MESP1: variants seen among roughly 807,000 people sequenced by gnomAD.
MESP1 encodes mesoderm posterior bHLH transcription factor 1, also known as mesoderm posterior protein 1.
A neutral mutation model predicts 15.2 loss-of-function variants in MESP1; 22 were observed. The observed-to-expected ratio is 1.45, with a 90% CI of 1.04 to 2.07. The LOEUF is 2.07. MESP1 is among the 30% of genes most tolerant of loss of function. The probability of loss-of-function intolerance (pLI) is 0.00; values close to 1 mark genes in which losing one functional copy is unlikely to be tolerated. For synonymous variants in MESP1, 216 were observed against 192.6 expected (o/e 1.12, Z -1.01); for missense variants, 484 against 411.9 (o/e 1.17, Z -1.51).
chr15:89,744,104 C>T, the MESP1 span, among the ~76,000 whole-genome samples: 1 of 152,204 alleles, frequency 6.6e-6, no homozygotes, highest in Non-Finnish European at 1.5e-5. Context: ...CTGTGTGGAA[C>T]CTTGGAGGCT....
At chr15:89,749,834 G>C (rs1324662296), downstream of MESP1, 4 of 326,200 alleles carry the variant, frequency 1.2e-5, no homozygotes, top group Non-Finnish European at 2.4e-5. Flanking sequence ...GAGGGAGAGA[G>C]GGAGCTCTGT....
At position 89,750,515 on chromosome 15, in the gene MESP1, C is replaced by A. The variant is rs1346188311; in HGVS notation, c.717G>T (p.Pro239=). 4.7e-6 allele frequency: 7 copies of A among 1,500,590 alleles called. No homozygotes were observed. Among genetic ancestry groups the A allele is most frequent in the Non-Finnish European group, 6.2e-6 (7 of 1,132,974 alleles). The allele number at this position is 1,500,590 out of a possible 1,614,324, so 93.0% of individuals were successfully genotyped here. ...PEGQAMEPSP[P]SPLLPGDVLA... is the part of the protein sequence containing the mutation. ...CGGGGAAGGGGACACTAACCGGGGA[C>A]GGTGGGCTTGGCTCCATCGCCTGCC... The change falls in exon 1 of 2, where the codon CCG becomes CCT. Residue 239 remains proline (P), a synonymous_variant. Transcript: ENST00000300057.
In MESP1 at chr15:89,750,890, C is replaced by A; in HGVS notation, c.342G>T (p.Ala114=). 1 of 1,495,552 alleles carries A rather than the reference C, an allele frequency of 6.7e-7. No homozygotes were observed. Among genetic ancestry groups the A allele is most frequent in the Non-Finnish European group, 8.9e-7 (1 of 1,128,616 alleles). 92.6% of individuals were successfully genotyped at this position (1,495,552 alleles called of 1,614,324 possible). ...TCTTGGTCAGGCTCTGGCCCGCGGGCGCCACGGACGGCGGTAGAAAGCGGC... is the reference window on the plus strand; with the variant it reads ...TCTTGGTCAGGCTCTGGCCCGCGGGAGCCACGGACGGCGGTAGAAAGCGGC... ...ELRRFLPPSV[A]PAGQSLTKIE... The change falls in exon 1 of 2, where the codon GCG becomes GCT. Residue 114 remains alanine (A), a synonymous_variant. Transcript: ENST00000300057.
At chr15:89,733,377 G>A in the MESP1 span, among the ~76,000 whole-genome samples, 1 of 152,140 alleles carries the variant, frequency 6.6e-6, no homozygotes, top group Non-Finnish European at 1.5e-5. Flanking sequence ...TCACATATAT[G>A]TTACAATTTT....
rs1596146469 is a variant in MESP1 at position 89,750,793 on chromosome 15, G to C, written c.439C>G (p.Leu147Val). ...SAVLGLSEES[L>V]QRRCRQRGDA... Reference sequence around the variant, plus strand: ...CCGCGCTGCCGGCACCGGCGCTGGAGACTCTCCTCGCTGAGGCCTAGCACG... The same window carrying C: ...CCGCGCTGCCGGCACCGGCGCTGGACACTCTCCTCGCTGAGGCCTAGCACG... Residue 147 changes from leucine (L) to valine (V), a missense_variant, in exon 1 of 2, where the codon CTC (leucine) becomes GTC (valine). Leu to Val is a conservative substitution (Grantham distance 32). Coordinates refer to ENST00000300057, the MANE Select transcript of MESP1 (RefSeq NM_018670.4). 1.3e-6 allele frequency: 2 copies of C among 1,521,274 alleles called. No individual in the cohort carries two copies. 94.2% of individuals were successfully genotyped at this position (1,521,274 alleles called of 1,614,324 possible). A position where few individuals can be genotyped will look rare whatever the true frequency, so the allele number is the denominator to read the frequency against.
At chr15:89,733,322 T>G in the MESP1 span, 1 of 1,064,716 alleles carries the variant, frequency 9.4e-7, no homozygotes, top group Admixed American at 2.3e-5. Context: ...GTCCACCTTT[T>G]GTATAGTCAT....
At chr15:89,750,433 T>C in intron 1 of MESP1, 76 bp downstream of exon 1, 2 of 1,459,654 alleles carry the variant, frequency 1.4e-6, no homozygotes, top group South Asian at 2.7e-5. Flanking sequence ...GCAGGGTGCC[T>C]GGTCCTCACC....
At chr15:89,733,289 A>G in the MESP1 span, 773 of 1,445,204 alleles carry the variant, frequency 5.3e-4, 6 homozygotes, top group African/African-American at 5.1e-3. Flanking sequence ...TGATAGTAAA[A>G]TCTGACAGCC....
rs1968070295 is a variant in MESP1 at position 89,750,629 on chromosome 15, C to A, written c.603G>T (p.Trp201Cys). Residue 201 changes from tryptophan to cysteine, a missense_variant, in exon 1 of 2, where the codon TGG becomes TGT. Coordinates refer to ENST00000300057, the MANE Select transcript of MESP1 (RefSeq NM_018670.4). ...CTCCGGGGCAGGCAGGCGGGGATCC[C>A]CAGGACGCCCCGGCGCGGACGGCGG... ...LVSAVRAGAS[W>C]GSPPACPGAR... 3 of 1,380,292 alleles carry A rather than the reference C, an allele frequency of 2.2e-6. No individual in the cohort carries two copies. Among genetic ancestry groups the A allele is most frequent in the Admixed American group, 3.6e-5 (1 of 27,890 alleles). The allele number at this position is 1,380,292 out of a possible 1,614,324, so 85.5% of individuals were successfully genotyped here. A position where few individuals can be genotyped will look rare whatever the true frequency, so the allele number is the denominator to read the frequency against.
downstream of MESP1, among the ~76,000 whole-genome samples, chr15:89,747,172 G>A (rs540117372): frequency 7.4e-4 from 111 of 149,952 alleles, 1 homozygote; most frequent in South Asian, 1.9e-3. Context: ...CAGGGCTCTT[G>A]CAAAGACAGG....
the MESP1 span, among the ~76,000 whole-genome samples, chr15:89,740,234 C>A: frequency 6.6e-6 from 1 of 152,188 alleles, no homozygotes; most frequent in African/African-American, 2.4e-5. Context: ...AACATTACCA[C>A]TAGGTGGCAC....
chr15:89,748,809 G>A (rs996061874), downstream of MESP1: 1 of 152,176 alleles, frequency 6.6e-6, no homozygotes, highest in East Asian at 1.9e-4. Context: ...GGGTGAAAAC[G>A]TTCTAAAATT....
the MESP1 span, among the ~76,000 whole-genome samples, chr15:89,744,196 CAG>C: frequency 8.7e-4 from 133 of 152,354 alleles, no homozygotes; most frequent in East Asian, 5.4e-3. Flanking sequence ...TGACTGCACT[CAG>C]AGTTTGTGAT....
chr15:89,743,639 C>A, the MESP1 span: 1 of 529,420 alleles, frequency 1.9e-6, no homozygotes. Context: ...TGTCTCCAGA[C>A]TCCCAAGTTG....
chr15:89,747,914 T>C (rs1360539570), downstream of MESP1, among the ~76,000 whole-genome samples: 1 of 152,052 alleles, frequency 6.6e-6, no homozygotes, highest in Non-Finnish European at 1.5e-5. Context: ...TTCCTCCGGG[T>C]GTGGGATGGG....
At chr15:89,737,632 C>A in the MESP1 span, 1 of 1,614,186 alleles carries the variant, frequency 6.2e-7, no homozygotes, top group Non-Finnish European at 8.5e-7. Context: ...AGCGTGAAAT[C>A]ATCTGTGCCT....
At chr15:89,733,357 A>C in the MESP1 span, 1 of 775,526 alleles carries the variant, frequency 1.3e-6, no homozygotes, top group Non-Finnish European at 2.0e-6. Context: ...GCTTCTGAAG[A>C]TCACCAATGT....
At position 89,750,892 on chromosome 15, in the gene MESP1, C is replaced by T; in HGVS notation, c.340G>A (p.Ala114Thr). 3 of 1,495,450 alleles carry T rather than the reference C, an allele frequency of 2.0e-6. No homozygotes were observed. The highest frequency in any genetic ancestry group is 2.7e-6 in the Non-Finnish European group (3 of 1,128,562). 92.6% of individuals were successfully genotyped at this position (1,495,450 alleles called of 1,614,324 possible). A position where few individuals can be genotyped will look rare whatever the true frequency, so the allele number is the denominator to read the frequency against. The change falls in exon 1 of 2, where the codon GCG (alanine) becomes ACG (threonine). Residue 114 changes from alanine to threonine, a missense_variant. Physicochemically the swap from Ala to Thr is moderately conservative, Grantham distance 58 (BLOSUM62 0). Coordinates refer to ENST00000300057, the MANE Select transcript of MESP1 (RefSeq NM_018670.4). ...TTGGTCAGGCTCTGGCCCGCGGGCG[C>T]CACGGACGGCGGTAGAAAGCGGCGC... The part of the protein sequence containing the change: ...ELRRFLPPSV[A>T]PAGQSLTKIE...
the MESP1 span, chr15:89,735,365 A>T: frequency 1.1e-6 from 1 of 924,340 alleles, no homozygotes; most frequent in Non-Finnish European, 1.7e-6. Context: ...TTTTGCTACT[A>T]TGAACAGCCT....
Sources: gnomAD v4.1 joint callset for allele counts (sites outside exome capture counted in the v4.1 genomes callset) on GRCh38, gnomAD v4.1.1 for gene constraint, MANE v1.5 for transcripts, NCBI Gene and HGNC (gene_info 2026-07-23, HGNC 2026-07-21) for gene names.